TAFA4: variants seen among roughly 807,000 people sequenced by gnomAD.
TAFA4 encodes the protein TAFA chemokine like family member 4.
Under a neutral mutation model 21.1 loss-of-function variants are expected in TAFA4, and 20 were observed. The ratio of observed to expected loss-of-function variants is 0.95; its 90% CI spans 0.67 to 1.38. The LOEUF is 1.38. Ranked by LOEUF, TAFA4 falls within the 40% of genes most tolerant of loss-of-function variation. TAFA4 has a pLI of 0.00. For missense variants in TAFA4, 211 were observed against 180.9 expected, an observed-to-expected ratio of 1.17 and a Z score of -0.95; for synonymous variants, 71 against 67.4, an observed-to-expected ratio of 1.05 and a Z score of -0.26.
At chr3:68,772,608 G>A (rs1702978966) in intron 3 of TAFA4, among the ~76,000 whole-genome samples, 1 of 152,142 alleles carries the variant, frequency 6.6e-6, no homozygotes, top group Non-Finnish European at 1.5e-5. Context: ...TTACACCATT[G>A]GCTTCCCTGG....
chr3:68,896,002 T>C (rs60743220), intron 1 of TAFA4, among the ~76,000 whole-genome samples: 32,250 of 152,044 alleles, frequency 0.21, 4,005 homozygotes, highest in East Asian at 0.5. Flanking sequence ...ATAATGTGAC[T>C]TTCCAAGGGA....
chr3:68,831,982 C>A (rs1228371141), intron 3 of TAFA4, among the ~76,000 whole-genome samples: 1 of 152,184 alleles, frequency 6.6e-6, no homozygotes. Flanking sequence ...GCTACTGAAG[C>A]TTGTGTATGC....
intron 3 of TAFA4, among the ~76,000 whole-genome samples, chr3:68,778,753 A>C (rs1163235621): frequency 6.6e-6 from 1 of 152,102 alleles, no homozygotes; most frequent in African/African-American, 2.4e-5. Context: ...ATCCAATTGA[A>C]CCTCTTTCTT....
At chr3:68,790,847 C>T (rs1378869755) in intron 3 of TAFA4, among the ~76,000 whole-genome samples, 1 of 152,142 alleles carries the variant, frequency 6.6e-6, no homozygotes, top group East Asian at 1.9e-4. Flanking sequence ...CTACTTTGGC[C>T]ATTTTTGCTC....
intron 1 of TAFA4, among the ~76,000 whole-genome samples, chr3:68,926,877 C>A (rs570732740): frequency 6.6e-6 from 1 of 152,094 alleles, no homozygotes; most frequent in African/African-American, 2.4e-5. Flanking sequence ...CGCCATTGCA[C>A]TCCAGCCTGG....
intron 3 of TAFA4, among the ~76,000 whole-genome samples, chr3:68,826,735 T>C (rs977033683): frequency 6.6e-6 from 1 of 152,042 alleles, no homozygotes; most frequent in Admixed American, 6.6e-5. Flanking sequence ...AATAGTATTA[T>C]AAACAATGGA....
intron 3 of TAFA4, among the ~76,000 whole-genome samples, chr3:68,824,742 G>A (rs761799758): frequency 6.6e-6 from 1 of 152,168 alleles, no homozygotes; most frequent in African/African-American, 2.4e-5. Context: ...GCTCACAGAT[G>A]ACAATTTTGA....
At chr3:68,794,059 T>A (rs770682215) in intron 3 of TAFA4, among the ~76,000 whole-genome samples, 5 of 152,198 alleles carry the variant, frequency 3.3e-5, no homozygotes, top group Non-Finnish European at 7.4e-5. Flanking sequence ...AAACCCTGAT[T>A]TTTTTCAAAC....
At chr3:68,841,907 T>C (rs970642223) in intron 3 of TAFA4, among the ~76,000 whole-genome samples, 1 of 152,216 alleles carries the variant, frequency 6.6e-6, no homozygotes, top group African/African-American at 2.4e-5. Context: ...TAGTATTCCA[T>C]GGTGTATATG....
chr3:68,839,526 G>C (rs1446711766), intron 3 of TAFA4, among the ~76,000 whole-genome samples: 1 of 152,168 alleles, frequency 6.6e-6, no homozygotes, highest in Admixed American at 6.5e-5. Context: ...AAATGAGAAA[G>C]ATTCCAACAG....
rs2090167905 is a variant in TAFA4 at position 68,932,429 on chromosome 3, G to A, written c.-312C>T. 6.6e-6 allele frequency: 1 copy of A among 152,356 alleles called. No homozygotes were observed. Among genetic ancestry groups the A allele is most frequent in the Admixed American group, 6.5e-5 (1 of 15,292 alleles). 9.4% of individuals were successfully genotyped at this position (152,356 alleles called of 1,614,324 possible). A position where few individuals can be genotyped will look rare whatever the true frequency, so the allele number is the denominator to read the frequency against. Reference sequence around the variant, plus strand: ...ACCAGGAGAAGCCCGAAGCTCCTGCGGGAGAAGCCTGAAGCTGCTGCTGGA... The same window carrying A: ...ACCAGGAGAAGCCCGAAGCTCCTGCAGGAGAAGCCTGAAGCTGCTGCTGGA... On this transcript the variant is annotated 5_prime_UTR_variant, in exon 1 of 6. Transcript: ENST00000295569.
chr3:68,764,904 C>T (rs1457758471), intron 3 of TAFA4, among the ~76,000 whole-genome samples: 2 of 152,186 alleles, frequency 1.3e-5, no homozygotes, highest in Non-Finnish European at 2.9e-5. Context: ...GGCACTGACA[C>T]TGCCCTTCAC....
chr3:68,882,142 T>C (rs567987351), intron 2 of TAFA4, among the ~76,000 whole-genome samples: 173 of 152,334 alleles, frequency 1.1e-3, no homozygotes, highest in African/African-American at 3.9e-3. Flanking sequence ...TTTTGCCCTT[T>C]TAAACTGTTT....
At chr3:68,873,333 GACAT>G (rs1553649854) in intron 3 of TAFA4, among the ~76,000 whole-genome samples, 1 of 46,978 alleles carries the variant, frequency 2.1e-5, no homozygotes, top group East Asian at 2.1e-3. Context: ...GACACACGCA[GACAT>G]ACACACACAC....
intron 4 of TAFA4, among the ~76,000 whole-genome samples, chr3:68,749,152 G>A (rs545726583): frequency 1.3e-5 from 2 of 152,272 alleles, no homozygotes; most frequent in South Asian, 4.1e-4. Flanking sequence ...AATAACTCAG[G>A]GGAGGTTTCG....
chr3:68,747,504 G>T (rs1022881457), intron 4 of TAFA4, among the ~76,000 whole-genome samples: 3 of 152,144 alleles, frequency 2.0e-5, no homozygotes, highest in Non-Finnish European at 2.9e-5. Context: ...ACATGCCTTT[G>T]TTCCTCCTTC....
At chr3:68,828,567 T>C (rs1704307864) in intron 3 of TAFA4, among the ~76,000 whole-genome samples, 1 of 152,176 alleles carries the variant, frequency 6.6e-6, no homozygotes. Flanking sequence ...CAATGGTTTG[T>C]AGTTATCTTT....
At chr3:68,840,496 T>C (rs923509) in intron 3 of TAFA4, among the ~76,000 whole-genome samples, 46,839 of 151,854 alleles carry the variant, frequency 0.31, 7,586 homozygotes, top group Non-Finnish European at 0.37. Context: ...GGACTGCAGG[T>C]GTGAGCCACA....
At chr3:68,798,758 A>G (rs899584723) in intron 3 of TAFA4, among the ~76,000 whole-genome samples, 1 of 152,208 alleles carries the variant, frequency 6.6e-6, no homozygotes, top group Non-Finnish European at 1.5e-5. Context: ...TAAAACTTGT[A>G]AAACTGTTTT....
Sources: allele counts gnomAD v4.1 joint callset (sites outside exome capture counted in the v4.1 genomes callset), GRCh38; gene constraint gnomAD v4.1.1; transcripts MANE v1.5; gene names NCBI Gene and HGNC (gene_info 2026-07-23, HGNC 2026-07-21).